Variants in UBE2E3 observed in about 807,000 individuals in gnomAD.
UBE2E3 encodes ubiquitin-conjugating enzyme E2 E3.
In UBE2E3, 5 loss-of-function variants were observed where a neutral mutation model predicts 23.6. The ratio of observed to expected loss-of-function variants is 0.21; its 90% CI spans 0.11 to 0.44. The LOEUF (loss-of-function observed/expected upper bound fraction) is 0.44. Among genes scored for constraint, UBE2E3 ranks in the 20% least tolerant of loss-of-function variants. The pLI is 0.99. For synonymous variants in UBE2E3, 78 were observed against 87.5 expected (o/e 0.89, Z 0.60); for missense variants, 81 against 249.8 (o/e 0.32, Z 4.55).
rs78469790 is a variant in UBE2E3 at position 181,055,830 on chromosome 2, T to G, written c.246-1863T>G. On this transcript the variant is annotated intron_variant, in intron 3 of 5. Transcript: ENST00000410062. ...CAGTAAAATATATTTGAGGAGAGTT[T>G]AAGGCGTATGAGTCGTCTTACCAAC... Among the ~76,000 whole-genome samples, 1,286 of 151,856 alleles carry G rather than the reference T, an allele frequency of 8.5e-3. 21 individuals are homozygous for G. Among genetic ancestry groups the G allele is most frequent in the African/African-American group, 0.029 (1,221 of 41,464 alleles).
intron 3 of UBE2E3, among the ~76,000 whole-genome samples, chr2:181,028,620 A>G (rs911660052): frequency 2.0e-5 from 3 of 148,492 alleles, no homozygotes; most frequent in Non-Finnish European, 3.0e-5. Flanking sequence ...GTATTTCATC[A>G]TGGTTTTAAT....
chr2:181,003,132 A>G (rs1254571581), intron 3 of UBE2E3, among the ~76,000 whole-genome samples: 1 of 152,254 alleles, frequency 6.6e-6, no homozygotes, highest in Non-Finnish European at 1.5e-5. Flanking sequence ...GACAGGAAGT[A>G]TAATATATGT....
In UBE2E3 at chr2:181,024,990, A is replaced by C. The variant is rs936778112; in HGVS notation, c.246-32703A>C. On this transcript the variant is annotated intron_variant, in intron 3 of 5. Coordinates refer to ENST00000410062, the MANE Select transcript of UBE2E3 (RefSeq NM_006357.4). ...AACTTTTATGATCTGTTTTGACAGG[A>C]CAGACAATTTAAAAAGTTGTTAATA... Among the ~76,000 whole-genome samples the C allele has an allele frequency of 2.6e-5, 4 of 152,178 alleles. 1 individual carries two copies. In the South Asian group the frequency reaches 8.3e-4, roughly 31 times the overall value.
intron 3 of UBE2E3, among the ~76,000 whole-genome samples, chr2:180,987,898 C>T (rs560369970): frequency 6.6e-6 from 1 of 152,224 alleles, no homozygotes; most frequent in Admixed American, 6.5e-5. Flanking sequence ...CCCCAACCCC[C>T]AACCCAGAAT....
intron 3 of UBE2E3, among the ~76,000 whole-genome samples, chr2:181,014,637 C>T (rs1037103051): frequency 4.1e-4 from 62 of 152,076 alleles, no homozygotes; most frequent in African/African-American, 1.4e-3. Flanking sequence ...CATAGGTGTG[C>T]CAGGTAAGTT....
At chr2:181,021,554 C>CCCTTCCTT (rs749212211) in intron 3 of UBE2E3, among the ~76,000 whole-genome samples, 21 of 47,240 alleles carry the variant, frequency 4.4e-4, no homozygotes, top group African/African-American at 1.5e-3. Flanking sequence ...TAAATATACT[C>CCCTTCCTT]CCTTCCTTCC....
At chr2:181,036,485 G>T (rs774295434) in intron 3 of UBE2E3, among the ~76,000 whole-genome samples, 1 of 152,224 alleles carries the variant, frequency 6.6e-6, no homozygotes. Flanking sequence ...TCCCGTGTCT[G>T]TGTGGGCTTT....
At chr2:181,050,744 G>C (rs573709686) in intron 3 of UBE2E3, among the ~76,000 whole-genome samples, 1 of 151,942 alleles carries the variant, frequency 6.6e-6, no homozygotes, top group South Asian at 2.1e-4. Flanking sequence ...TCTCATCTGT[G>C]AAATTGTGAT....
intron 3 of UBE2E3, among the ~76,000 whole-genome samples, chr2:181,012,367 T>C (rs1257383175): frequency 1.3e-5 from 2 of 151,698 alleles, no homozygotes; most frequent in African/African-American, 4.8e-5. Flanking sequence ...TGCTGTCTTA[T>C]TTACATTATT....
At chr2:180,990,278 G>T (rs4666993) in intron 3 of UBE2E3, among the ~76,000 whole-genome samples, 1 of 151,772 alleles carries the variant, frequency 6.6e-6, no homozygotes, top group Admixed American at 6.6e-5. Context: ...GACGTCAGTG[G>T]TACTGCTGAA....
At chr2:181,062,118 A>G (rs1343186902) in intron 5 of UBE2E3, among the ~76,000 whole-genome samples, 2 of 151,710 alleles carry the variant, frequency 1.3e-5, no homozygotes, top group East Asian at 3.9e-4. Flanking sequence ...GTAAATGGGT[A>G]ACAATTGTTT....
intron 3 of UBE2E3, among the ~76,000 whole-genome samples, chr2:181,041,234 CAAAAAAA>C (rs1206207155): frequency 6.5e-5 from 5 of 77,196 alleles, no homozygotes; most frequent in African/African-American, 2.6e-4. Flanking sequence ...GACTCCGTCT[CAAAAAAA>C]AAAAAAAAAA....
chr2:181,005,298 G>A (rs1182462358), intron 3 of UBE2E3, among the ~76,000 whole-genome samples: 1 of 152,188 alleles, frequency 6.6e-6, no homozygotes, highest in African/African-American at 2.4e-5. Context: ...TTGAGATGCA[G>A]TGTGAAATAG....
chr2:181,052,725 T>C (rs1686879085), intron 3 of UBE2E3, among the ~76,000 whole-genome samples: 1 of 151,774 alleles, frequency 6.6e-6, no homozygotes, highest in South Asian at 2.1e-4. Context: ...TTTCTAATCA[T>C]ATCAAGACCT....
intron 1 of UBE2E3, 126 bp from the exon 2 acceptor site, chr2:180,981,892 A>T: frequency 2.9e-6 from 2 of 693,500 alleles, no homozygotes; most frequent in Non-Finnish European, 4.8e-6. Context: ...TGTACGATGA[A>T]ATAAGTGTGA....
intron 3 of UBE2E3, among the ~76,000 whole-genome samples, chr2:180,990,343 T>C (rs1300606987): frequency 6.6e-6 from 1 of 152,180 alleles, no homozygotes; most frequent in East Asian, 1.9e-4. Flanking sequence ...TGGGCCAAAA[T>C]GTCTAGTGCT....
chr2:181,045,618 C>G (rs1192904727), intron 3 of UBE2E3, among the ~76,000 whole-genome samples: 3 of 152,264 alleles, frequency 2.0e-5, no homozygotes, highest in Middle Eastern at 3.4e-3. Flanking sequence ...ACTAATACAT[C>G]AGAATCTCTA....
chr2:181,043,401 A>T (rs1182478213), intron 3 of UBE2E3, among the ~76,000 whole-genome samples: 1 of 152,212 alleles, frequency 6.6e-6, no homozygotes, highest in African/African-American at 2.4e-5. Context: ...AATCTGTTTC[A>T]TGCACAAAAT....
At chr2:180,996,825 A>G (rs965890425) in intron 3 of UBE2E3, among the ~76,000 whole-genome samples, 5 of 152,196 alleles carry the variant, frequency 3.3e-5, no homozygotes, top group Non-Finnish European at 5.9e-5. Context: ...GTTGACCAAG[A>G]TACATTTGTG....
Sources: allele counts gnomAD v4.1 joint callset (sites outside exome capture counted in the v4.1 genomes callset), GRCh38; gene constraint gnomAD v4.1.1; transcripts MANE v1.5; gene names NCBI Gene and HGNC (gene_info 2026-07-23, HGNC 2026-07-21).